Variants in SCAMP1 observed in about 807,000 individuals in gnomAD.
SCAMP1 encodes secretory carrier-associated membrane protein 1.
SCAMP1 carries 15 observed loss-of-function variants against 41.8 expected under a neutral mutation model. The observed-to-expected ratio is 0.36, with a 90% CI of 0.24 to 0.55. The LOEUF is 0.55. Among genes scored for constraint, SCAMP1 ranks in the 20% least tolerant of loss-of-function variants. The pLI, the probability that SCAMP1 is intolerant of heterozygous loss-of-function variation, is 0.86. For missense variants in SCAMP1, 341 were observed against 412.6 expected (o/e 0.83, Z 1.50); for synonymous variants, 135 against 136.8 (o/e 0.99, Z 0.09).
chr5:78,395,144 T>C (rs1262746472), intron 2 of SCAMP1, among the ~76,000 whole-genome samples: 1 of 152,228 alleles, frequency 6.6e-6, no homozygotes, highest in Non-Finnish European at 1.5e-5. Context: ...ACGGTTTGAC[T>C]TCAGACTTTT....
chr5:78,436,544 T>C (rs1276464663), intron 6 of SCAMP1, among the ~76,000 whole-genome samples: 4 of 152,182 alleles, frequency 2.6e-5, no homozygotes, highest in African/African-American at 9.7e-5. Flanking sequence ...ATATGTGTGG[T>C]GTTATTTCTG....
intron 1 of SCAMP1, among the ~76,000 whole-genome samples, chr5:78,380,172 T>G (rs751474049): frequency 1.3e-5 from 2 of 152,244 alleles, no homozygotes; most frequent in Non-Finnish European, 2.9e-5. Flanking sequence ...GCATAGTACT[T>G]TATCATGTAG....
At chr5:78,420,931 G>T (rs1580681112) in intron 5 of SCAMP1, among the ~76,000 whole-genome samples, 1 of 152,124 alleles carries the variant, frequency 6.6e-6, no homozygotes, top group East Asian at 1.9e-4. Context: ...TATTTTTATT[G>T]ATTTGATAAT....
intron 1 of SCAMP1, among the ~76,000 whole-genome samples, chr5:78,386,308 A>G (rs1231777309): frequency 6.6e-6 from 1 of 152,152 alleles, no homozygotes; most frequent in African/African-American, 2.4e-5. Flanking sequence ...TGCATAGAAT[A>G]TCTTTTTCTA....
chr5:78,415,753 G>C (rs1018641903), intron 3 of SCAMP1, 135 bp downstream of exon 3: 6 of 620,878 alleles, frequency 9.7e-6, no homozygotes, highest in African/African-American at 9.3e-5. Context: ...GTCTGGATTT[G>C]CTGTCTTGTC....
rs1163605474 is a variant in SCAMP1 at position 78,422,805 on chromosome 5, GT to G, written c.632+852del. Among the ~76,000 whole-genome samples the G allele has an allele frequency of 7.9e-5, 12 of 152,158 alleles. 1 individual carries two copies. The highest frequency in any genetic ancestry group is 2.9e-4 in the African/African-American group (12 of 41,504). Reference sequence around the variant, plus strand: ...CCTATATGGGTTCATATATTTAATAGTTTTTTTAAACTCATTTTTATTTGAG... The same window carrying G: ...CCTATATGGGTTCATATATTTAATAGTTTTTTAAACTCATTTTTATTTGAG... On this transcript the variant is annotated intron_variant, in intron 6 of 8. Coordinates refer to ENST00000621999, the MANE Select transcript of SCAMP1 (RefSeq NM_004866.6).
chr5:78,406,658 A>T (rs1751942750), intron 2 of SCAMP1, among the ~76,000 whole-genome samples: 1 of 152,210 alleles, frequency 6.6e-6, no homozygotes. Context: ...TTGAGCCAAT[A>T]TATTTTTCTA....
chr5:78,384,835 C>T (rs1035994539), intron 1 of SCAMP1, among the ~76,000 whole-genome samples: 33 of 152,116 alleles, frequency 2.2e-4, no homozygotes, highest in Non-Finnish European at 2.9e-5. Flanking sequence ...TTTTGATATG[C>T]TGTTGAATTT....
chr5:78,372,860 A>G (rs11957577), intron 1 of SCAMP1, among the ~76,000 whole-genome samples: 4,901 of 152,212 alleles, frequency 0.032, 246 homozygotes, highest in African/African-American at 0.1. Flanking sequence ...TAATAATTAC[A>G]TGTTGCAACA....
At chr5:78,463,495 A>G (rs770831031) in intron 8 of SCAMP1, among the ~76,000 whole-genome samples, 5 of 152,216 alleles carry the variant, frequency 3.3e-5, no homozygotes, top group Non-Finnish European at 7.3e-5. Flanking sequence ...TGCATCTTCA[A>G]TTGGTCATTT....
intron 2 of SCAMP1, among the ~76,000 whole-genome samples, chr5:78,405,096 CCT>C (rs565303442): frequency 7.9e-5 from 12 of 152,212 alleles, no homozygotes; most frequent in African/African-American, 2.4e-4. Flanking sequence ...AGCAATTTGC[CCT>C]GTGTCCTCAC....
At chr5:78,382,812 TGTGTGTGC>T (rs753626130) in intron 1 of SCAMP1, among the ~76,000 whole-genome samples, 2,074 of 51,774 alleles carry the variant, frequency 0.04, 27 homozygotes, top group Admixed American at 0.084. Context: ...TGTGTGTGTG[TGTGTGTGC>T]GCCACATTTT....
intron 1 of SCAMP1, among the ~76,000 whole-genome samples, chr5:78,365,679 C>G (rs1265005354): frequency 2.0e-5 from 3 of 152,046 alleles, no homozygotes; most frequent in Non-Finnish European, 4.4e-5. Flanking sequence ...TGTCTGAATT[C>G]TGGTGCTTTT....
chr5:78,400,756 T>C (rs575797509), intron 2 of SCAMP1, among the ~76,000 whole-genome samples: 6 of 152,326 alleles, frequency 3.9e-5, no homozygotes, highest in Middle Eastern at 3.4e-3. Context: ...GTCAGTACCA[T>C]TGAATTTTCC....
At position 78,360,744 on chromosome 5, in the gene SCAMP1, A is replaced by G; in HGVS notation, c.57+16A>G. On this transcript the variant is annotated intron_variant, in intron 1 of 8. Coordinates refer to ENST00000621999, the MANE Select transcript of SCAMP1 (RefSeq NM_004866.6). ...TCCCTTCAAGGTGAGCTTCGGCCCC[A>G]GCATCTCCTGCCGCCGCGACGCGTC... 1.2e-6 allele frequency: 2 copies of G among 1,602,082 alleles called. No homozygotes were observed. Among genetic ancestry groups the G allele is most frequent in the Non-Finnish European group, 1.7e-6 (2 of 1,174,762 alleles).
At chr5:78,361,833 C>A (rs183538368) in intron 1 of SCAMP1, among the ~76,000 whole-genome samples, 1 of 152,350 alleles carries the variant, frequency 6.6e-6, no homozygotes, top group Admixed American at 6.5e-5. Context: ...GTTGAGTTTA[C>A]ATCTTTTTAC....
intron 7 of SCAMP1, among the ~76,000 whole-genome samples, chr5:78,454,486 T>C (rs931639512): frequency 1.3e-5 from 2 of 151,522 alleles, no homozygotes; most frequent in Non-Finnish European, 3.0e-5. Flanking sequence ...GGATTACATT[T>C]ATTGATTTGC....
intron 1 of SCAMP1, among the ~76,000 whole-genome samples, chr5:78,363,933 T>C (rs1195950031): frequency 6.6e-6 from 1 of 152,200 alleles, no homozygotes. Context: ...TGGAAATCTG[T>C]AGTGATCGAA....
intron 8 of SCAMP1, among the ~76,000 whole-genome samples, chr5:78,459,777 A>G (rs1381432167): frequency 6.6e-6 from 1 of 151,854 alleles, no homozygotes; most frequent in East Asian, 1.9e-4. Context: ...TTAATTTTTT[A>G]TTATAAATTC....
Sources: gnomAD v4.1 joint callset for allele counts (sites outside exome capture counted in the v4.1 genomes callset) on GRCh38, gnomAD v4.1.1 for gene constraint, MANE v1.5 for transcripts, NCBI Gene and HGNC (gene_info 2026-07-23, HGNC 2026-07-21) for gene names.